The following FHL1 variants were observed in gnomAD, a reference collection of about 807,000 sequenced individuals.
The protein encoded by FHL1 is four and a half LIM domains 1.
A neutral mutation model predicts 20.3 loss-of-function variants in FHL1; 1 was observed. The observed-to-expected ratio is 0.05, with a 90% confidence interval of 0.02 to 0.23. FHL1 has a LOEUF of 0.23. Ranked by LOEUF, FHL1 falls within the 10% of genes least tolerant of loss-of-function variation. The pLI is 1.00. For missense variants in FHL1, 177 were observed against 234.0 expected (o/e 0.76, Z 1.59); for synonymous variants, 82 against 88.9 (o/e 0.92, Z 0.44).
chrX:136,177,850 C>T (rs1486876081), intron 2 of FHL1, among the ~76,000 whole-genome samples: 1 of 112,198 alleles, frequency 8.9e-6, no homozygotes, highest in Non-Finnish European at 1.9e-5. Context: ...CATGAACGCT[C>T]CTATTAATAG....
At chrX:136,182,443 A>G (rs571803422) in intron 2 of FHL1, among the ~76,000 whole-genome samples, 1 of 112,419 alleles carries the variant, frequency 8.9e-6, no homozygotes, top group African/African-American at 3.2e-5. Context: ...TTGGACAGAG[A>G]GAATGGTATG....
chrX:136,209,144 G>A (rs1485815933), intron 5 of FHL1: 11 of 802,023 alleles, frequency 1.4e-5, no homozygotes, highest in East Asian at 6.6e-5. Flanking sequence ...TCTCGCGGCC[G>A]CGATCCACGT....
intron 1 of FHL1, among the ~76,000 whole-genome samples, chrX:136,162,220 GAA>G (rs1286278778): frequency 9.0e-6 from 1 of 110,635 alleles, no homozygotes; most frequent in East Asian, 2.8e-4. Flanking sequence ...GGATGTGGTG[GAA>G]AGAGTATTGA....
intron 2 of FHL1, among the ~76,000 whole-genome samples, chrX:136,186,450 T>G (rs773662243): frequency 2.7e-4 from 30 of 111,687 alleles, no homozygotes; most frequent in African/African-American, 9.4e-4. Context: ...CCTTTCCTTG[T>G]AAATCAAAAC....
intron 1 of FHL1, among the ~76,000 whole-genome samples, chrX:136,156,152 T>C (rs2072410699): frequency 2.7e-5 from 3 of 112,033 alleles, no homozygotes; most frequent in Admixed American, 1.9e-4. Flanking sequence ...TTGAAATGCA[T>C]TGAAACCTAG....
At chrX:136,167,534 C>T (rs1391893746), upstream of FHL1, among the ~76,000 whole-genome samples, 1 of 111,250 alleles carries the variant, frequency 9.0e-6, no homozygotes, top group African/African-American at 3.3e-5. Flanking sequence ...CCCCTGCCAC[C>T]AAGATATTTA....
chrX:136,205,430 A>G (rs966387590), intron 1 of FHL1, among the ~76,000 whole-genome samples: 1 of 112,256 alleles, frequency 8.9e-6, no homozygotes, highest in Admixed American at 9.4e-5. Context: ...TTACACTTCT[A>G]TGAGCATATT....
At chrX:136,156,625 C>T (rs1303076443) in intron 1 of FHL1, among the ~76,000 whole-genome samples, 7 of 111,557 alleles carry the variant, frequency 6.3e-5, no homozygotes. Flanking sequence ...TTTAAATTTC[C>T]TTTTCAGTAC....
chrX:136,207,351 A>G, intron 3 of FHL1, 161 bp downstream of exon 3: 1 of 493,316 alleles, frequency 2.0e-6, no homozygotes, highest in Middle Eastern at 3.7e-4. Flanking sequence ...GCGTACACAT[A>G]TATGCTCGCA....
At position 136,210,936 on chromosome X, in the gene FHL1, A is replaced by C; in HGVS notation, c.*911A>C. On this transcript the variant is annotated 3_prime_UTR_variant, in exon 6 of 6. Transcript: ENST00000370683. The stretch of plus-strand genomic sequence containing the variant: ...AATTCATCCTACGGAAGTAACCGCA[A>C]AACTCTAGAGGGGGAGTTGAGCAGG... 5.2e-6 allele frequency: 2 copies of C among 382,749 alleles called. No individual in the cohort carries two copies. Among genetic ancestry groups the C allele is most frequent in the Non-Finnish European group, 4.9e-6 (1 of 202,624 alleles). 31.5% of individuals were successfully genotyped at this position (382,749 alleles called of 1,213,427 possible). A position where few individuals can be genotyped will look rare whatever the true frequency, so the allele number is the denominator to read the frequency against.
chrX:136,175,791 A>G (rs1282649324), intron 2 of FHL1, among the ~76,000 whole-genome samples: 1 of 112,709 alleles, frequency 8.9e-6, no homozygotes, highest in Non-Finnish European at 1.9e-5. Flanking sequence ...ACCTGTGGAC[A>G]AGAACTAGAA....
At chrX:136,177,445 C>A (rs1057238914) in intron 2 of FHL1, among the ~76,000 whole-genome samples, 3 of 111,909 alleles carry the variant, frequency 2.7e-5, no homozygotes, top group East Asian at 5.6e-4. Context: ...TCTTGGACTT[C>A]AGTTGGTTCA....
intron 2 of FHL1, among the ~76,000 whole-genome samples, chrX:136,172,172 G>A (rs1393013977): frequency 8.9e-6 from 1 of 112,091 alleles, no homozygotes; most frequent in African/African-American, 3.2e-5. Context: ...GGGATTACAG[G>A]CGTGAGCCAC....
intron 2 of FHL1, among the ~76,000 whole-genome samples, chrX:136,170,591 C>T (rs765483104): frequency 1.8e-5 from 2 of 111,520 alleles, no homozygotes; most frequent in Admixed American, 9.5e-5. Flanking sequence ...CTTCATTTAG[C>T]CACAGTGGCT....
chrX:136,153,182 T>A (rs1163495203), intron 1 of FHL1, among the ~76,000 whole-genome samples: 1 of 110,918 alleles, frequency 9.0e-6, no homozygotes, highest in Non-Finnish European at 1.9e-5. Context: ...AATATTTACT[T>A]TAAGTTTTAA....
At chrX:136,202,431 G>T (rs1014662827) in intron 1 of FHL1, among the ~76,000 whole-genome samples, 1 of 111,026 alleles carries the variant, frequency 9.0e-6, no homozygotes, top group Non-Finnish European at 1.9e-5. Context: ...ACAAAAGAAA[G>T]TGCAAGCTGG....
Position 136,208,451 on chromosome X carries a change from C to T in FHL1, c.550-4C>T, listed in dbSNP as rs1188178386. Reference sequence around the variant, plus strand: ...TGAATCCGGTGCTACACTCCCTGGTCTAGGCCATCACATCTGGAGGAATCA... The same window carrying T: ...TGAATCCGGTGCTACACTCCCTGGTTTAGGCCATCACATCTGGAGGAATCA... On this transcript the variant is annotated splice_polypyrimidine_tract_variant and splice_region_variant and intron_variant, in intron 4 of 5. Coordinates refer to ENST00000370683, the MANE Select transcript of FHL1 (RefSeq NM_001159699.2). 2 of 1,211,712 alleles carry T rather than the reference C, an allele frequency of 1.7e-6. No homozygotes were observed. The highest frequency in any genetic ancestry group is 2.2e-5 in the Admixed American group (1 of 46,110).
chrX:136,186,039 A>G (rs1048624013), intron 2 of FHL1, among the ~76,000 whole-genome samples: 2 of 111,832 alleles, frequency 1.8e-5, no homozygotes, highest in Non-Finnish European at 3.8e-5. Flanking sequence ...CTCAAATACT[A>G]TATGTAGTTT....
chrX:136,169,139 C>T (rs2148296034), upstream of FHL1, among the ~76,000 whole-genome samples: 1 of 111,864 alleles, frequency 8.9e-6, no homozygotes, highest in African/African-American at 3.2e-5. Flanking sequence ...CACTCCCTTT[C>T]TCCTTTGCCC....
Sources: gnomAD v4.1 joint callset for allele counts (sites outside exome capture counted in the v4.1 genomes callset) on GRCh38, gnomAD v4.1.1 for gene constraint, MANE v1.5 for transcripts, NCBI Gene and HGNC (gene_info 2026-07-23, HGNC 2026-07-21) for gene names.